The following ZFR2 variants were observed in gnomAD, a reference collection of about 807,000 sequenced individuals.
The protein encoded by ZFR2 is zinc finger RNA-binding protein 2.
A neutral mutation model predicts 105.7 loss-of-function variants in ZFR2; 104 were observed. The ratio of observed to expected loss-of-function variants is 0.98; its 90% CI spans 0.84 to 1.16. The LOEUF (loss-of-function observed/expected upper bound fraction) is 1.16. Among genes scored for constraint, ZFR2 ranks in the 50% most tolerant of loss-of-function variants. ZFR2 has a pLI of 0.00. For missense variants in ZFR2, 1,425 were observed against 1,355.5 expected, an observed-to-expected ratio of 1.05 and a Z score of -0.80; for synonymous variants, 634 against 597.7, an observed-to-expected ratio of 1.06 and a Z score of -0.89.
intron 17 of ZFR2, 68 bp downstream of exon 17, chr19:3,808,804 C>T: frequency 7.5e-7 from 1 of 1,327,086 alleles, no homozygotes; most frequent in South Asian, 1.4e-5. Flanking sequence ...CTCTCTGTGC[C>T]ATGGCCACGG....
chr19:3,814,496 G>A (rs921094110), intron 13 of ZFR2, among the ~76,000 whole-genome samples: 3 of 152,166 alleles, frequency 2.0e-5, no homozygotes, highest in African/African-American at 2.4e-5. Flanking sequence ...CCTCCCACCT[G>A]AAACGCACCT....
chr19:3,816,782 G>T lies in ZFR2; in HGVS notation c.1995C>A (p.Gly665=). The T allele has an allele frequency of 6.2e-7, 1 of 1,605,224 alleles. No individual in the cohort carries two copies. Among genetic ancestry groups the T allele is most frequent in the East Asian group, 2.2e-5 (1 of 44,538 alleles). ...CGTTCCTGTCCCCACGCAGGAGGAG[G>T]CCTTTCGCCAGGATGCCTACTCGCA... ...GVMRVGILAK[G]LLLRGDRNVR... The change falls in exon 13 of 19, where the codon GGC becomes GGA. Residue 665 remains glycine (G), a synonymous_variant. Transcript: ENST00000262961.
At chr19:3,863,410 C>G (rs772948614) in intron 1 of ZFR2, among the ~76,000 whole-genome samples, 4 of 152,132 alleles carry the variant, frequency 2.6e-5, no homozygotes, top group Admixed American at 1.3e-4. Flanking sequence ...AATGTCCCCA[C>G]TCCGGGGAGG....
rs2145148261 is a variant in ZFR2, at chr19:3,821,988, ACG to A, written c.1491+91_1491+92del. The A allele has an allele frequency of 2.7e-6, 4 of 1,475,242 alleles. No homozygotes were observed. In the Middle Eastern group the frequency reaches 7.0e-4, roughly 257 times the overall value. 91.4% of individuals were successfully genotyped at this position (1,475,242 alleles called of 1,614,324 possible). On this transcript the variant is annotated intron_variant, in intron 9 of 18. Transcript: ENST00000262961. ...CTCCCTCTTAAGTTCGTCGGATCAC[ACG>A]CGCGGAAGAGGCCCGACCACAGGCC...
intron 1 of ZFR2, among the ~76,000 whole-genome samples, chr19:3,841,554 G>A (rs2145171648): frequency 6.6e-6 from 1 of 152,142 alleles, no homozygotes; most frequent in South Asian, 2.1e-4. Flanking sequence ...GGGTGTGGTG[G>A]AGCACCTGTA....
At chr19:3,866,364 C>T (rs1299643221) in intron 1 of ZFR2, among the ~76,000 whole-genome samples, 3 of 151,876 alleles carry the variant, frequency 2.0e-5, no homozygotes, top group Non-Finnish European at 2.9e-5. Context: ...ATTCTAAGGA[C>T]GGACTAACTC....
At chr19:3,810,171 G>T (rs919485565) in intron 16 of ZFR2, among the ~76,000 whole-genome samples, 1 of 152,192 alleles carries the variant, frequency 6.6e-6, no homozygotes, top group Non-Finnish European at 1.5e-5. Flanking sequence ...CCGCAGGGCG[G>T]GGGGGAGGCC....
At position 3,823,134 on chromosome 19, in the gene ZFR2, C is replaced by T. The variant is rs956901171; in HGVS notation, c.1371+112G>A. The T allele has an allele frequency of 8.8e-6, 13 of 1,481,948 alleles. No homozygotes were observed. The highest frequency in any genetic ancestry group is 5.9e-5 in the South Asian group (5 of 84,426). The allele number at this position is 1,481,948 out of a possible 1,614,324, so 91.8% of individuals were successfully genotyped here. On this transcript the variant is annotated intron_variant, in intron 8 of 18. Transcript: ENST00000262961. The surrounding 1 kb of genome is among the most constrained non-coding windows in gnomAD (Gnocchi z 5.4). ...AGGTCTGGCCTGTGCAGCTCAGGAA[C>T]GGGGATGGGTCTGTAAATCTCGCTG...
intron 1 of ZFR2, among the ~76,000 whole-genome samples, chr19:3,868,206 C>T (rs2038456072): frequency 6.6e-6 from 1 of 151,606 alleles, no homozygotes; most frequent in Non-Finnish European, 1.5e-5. Context: ...TCTCTTACCC[C>T]CATCAGGGGC....
At chr19:3,855,921 G>A (rs985272403) in intron 1 of ZFR2, among the ~76,000 whole-genome samples, 1 of 152,196 alleles carries the variant, frequency 6.6e-6, no homozygotes, top group Admixed American at 6.5e-5. Flanking sequence ...ACAGGCCATC[G>A]TAGGGGCTCC....
At chr19:3,810,298 A>C (rs1357202930) in intron 16 of ZFR2, among the ~76,000 whole-genome samples, 1 of 151,788 alleles carries the variant, frequency 6.6e-6, no homozygotes. Context: ...TGGTGAGGGG[A>C]TTCTGTTTCT....
At chr19:3,854,431 C>T (rs1183515090) in intron 1 of ZFR2, among the ~76,000 whole-genome samples, 1 of 152,106 alleles carries the variant, frequency 6.6e-6, no homozygotes. Flanking sequence ...CTAGCAACTA[C>T]CACATAACAG....
intron 13 of ZFR2, among the ~76,000 whole-genome samples, chr19:3,816,460 G>A (rs1269248147): frequency 6.6e-6 from 1 of 151,800 alleles, no homozygotes. Context: ...TGGCCAGGCT[G>A]GTTTCAAACT....
Position 3,831,474 on chromosome 19 carries a change from CG to C in ZFR2, c.680del (p.Pro227ArgfsTer200). 1.3e-6 allele frequency: 2 copies of C among 1,548,130 alleles called. No individual in the cohort carries two copies. Among genetic ancestry groups the C allele is most frequent in the Non-Finnish European group, 1.7e-6 (2 of 1,146,438 alleles). ...GCGGGGGCAGCTGCTGCGGGGGTCCCGGGGGAGGCGGGGGCTGCGCTGGAGG... is the reference window on the plus strand; with the variant it reads ...GCGGGGGCAGCTGCTGCGGGGGTCCCGGGGAGGCGGGGGCTGCGCTGGAGG... ...FYPPAQPPPP[P>X]GPPQQLPPPP... is the part of the protein sequence containing the mutation. On this transcript the variant is annotated frameshift_variant, in exon 5 of 19. Transcript: ENST00000262961. LOFTEE classifies it high-confidence loss of function.
chr19:3,847,404 A>C (rs961266628), intron 1 of ZFR2, among the ~76,000 whole-genome samples: 4 of 152,060 alleles, frequency 2.6e-5, no homozygotes, highest in African/African-American at 9.7e-5. Context: ...CGTGCCTGTA[A>C]TCCCAGCTAC....
chr19:3,829,862 C>T (rs906744793), intron 5 of ZFR2, among the ~76,000 whole-genome samples: 6 of 152,182 alleles, frequency 3.9e-5, no homozygotes, highest in South Asian at 2.1e-4. Flanking sequence ...TAATTAGCCA[C>T]GTGGGCTTCA....
In ZFR2 at chr19:3,805,887, C is replaced by G. The variant is rs1011031116; in HGVS notation, c.*62G>C. ...CGTCGGGGATGAAGCAGCCATTGGT[C>G]GGCGCGCACACGTCCAGGAGTGCAG... On this transcript the variant is annotated 3_prime_UTR_variant, in exon 19 of 19. Coordinates refer to ENST00000262961, the MANE Select transcript of ZFR2 (RefSeq NM_015174.2). The G allele has an allele frequency of 3.5e-6, 5 of 1,425,102 alleles. No individual in the cohort carries two copies. Among genetic ancestry groups the G allele is most frequent in the African/African-American group, 1.5e-5 (1 of 67,854 alleles). The allele number at this position is 1,425,102 out of a possible 1,614,324, so 88.3% of individuals were successfully genotyped here.
rs1052700563 is a variant in ZFR2, at chr19:3,813,160, A to T, written c.2242+660T>A. ...CATGGCCCTCAGTTATGACCAAAAAAGATTACGAAGGGGGTAAAAGATGAT... is the reference window on the plus strand; with the variant it reads ...CATGGCCCTCAGTTATGACCAAAAATGATTACGAAGGGGGTAAAAGATGAT... On this transcript the variant is annotated intron_variant, in intron 14 of 18. Coordinates refer to ENST00000262961, the MANE Select transcript of ZFR2 (RefSeq NM_015174.2). The surrounding 1 kb of genome is among the most constrained non-coding windows in gnomAD (Gnocchi z 4.4). 6.6e-6 allele frequency among the ~76,000 whole-genome samples: 1 copy of T among 152,226 alleles called. No homozygotes were observed. Among genetic ancestry groups the T allele is most frequent in the Non-Finnish European group, 1.5e-5 (1 of 68,044 alleles).
intron 1 of ZFR2, chr19:3,852,720 G>C (rs1263657186): frequency 1.6e-6 from 1 of 639,852 alleles, no homozygotes; most frequent in African/African-American, 1.8e-5. Context: ...CAGGAGCTGA[G>C]CCAGCAAAAA....
Sources: allele counts gnomAD v4.1 joint callset (sites outside exome capture counted in the v4.1 genomes callset), GRCh38; gene constraint gnomAD v4.1.1; non-coding constraint Gnocchi (gnomAD v3.1); transcripts MANE v1.5; gene names NCBI Gene and HGNC (gene_info 2026-07-23, HGNC 2026-07-21).